NLGN1: variants seen among roughly 807,000 people sequenced by gnomAD.
NLGN1 encodes neuroligin-1.
NLGN1 carries 12 observed loss-of-function variants against 65.5 expected under a neutral mutation model. The ratio of observed to expected loss-of-function variants is 0.18; its 90% CI spans 0.12 to 0.30. NLGN1 has a LOEUF of 0.30. Ranked by LOEUF, NLGN1 falls within the 10% of genes least tolerant of loss-of-function variation. NLGN1 has a pLI of 1.00. For missense variants in NLGN1, 750 were observed against 1,007.1 expected (o/e 0.74, Z 3.46); for synonymous variants, 350 against 359.5 (o/e 0.97, Z 0.30).
At chr3:173,582,208 T>A (rs1746511194) in intron 2 of NLGN1, among the ~76,000 whole-genome samples, 1 of 152,088 alleles carries the variant, frequency 6.6e-6, no homozygotes, top group Non-Finnish European at 1.5e-5. Flanking sequence ...CATTCATTTT[T>A]CTTGTTACCG....
chr3:173,652,405 A>G (rs1759339045), intron 3 of NLGN1, among the ~76,000 whole-genome samples: 1 of 152,126 alleles, frequency 6.6e-6, no homozygotes, highest in South Asian at 2.1e-4. Context: ...TTCGGGTCTT[A>G]CATTTAAGTC....
chr3:173,652,811 A>G (rs1759416912), intron 3 of NLGN1, among the ~76,000 whole-genome samples: 1 of 152,182 alleles, frequency 6.6e-6, no homozygotes, highest in Non-Finnish European at 1.5e-5. Context: ...TAGAAATTGC[A>G]TTGAATCTGT....
At chr3:174,085,253 T>C (rs999972247) in intron 4 of NLGN1, among the ~76,000 whole-genome samples, 3 of 152,028 alleles carry the variant, frequency 2.0e-5, no homozygotes, top group Non-Finnish European at 4.4e-5. Flanking sequence ...GGGAAAAATA[T>C]GCTTCTTAGA....
chr3:174,250,018 A>G (rs1744490689), intron 4 of NLGN1, among the ~76,000 whole-genome samples: 1 of 152,218 alleles, frequency 6.6e-6, no homozygotes, highest in South Asian at 2.1e-4. Flanking sequence ...AGAGTAGGAA[A>G]TCTTTTAGGT....
intron 4 of NLGN1, among the ~76,000 whole-genome samples, chr3:173,866,760 T>A (rs1730263602): frequency 6.6e-6 from 1 of 152,184 alleles, no homozygotes; most frequent in African/African-American, 2.4e-5. Flanking sequence ...GTTTTCTGAT[T>A]TATATATTCA....
intron 3 of NLGN1, among the ~76,000 whole-genome samples, chr3:173,764,725 G>A (rs1473295550): frequency 1.3e-5 from 2 of 152,054 alleles, no homozygotes; most frequent in Admixed American, 1.3e-4. Flanking sequence ...AGGATTTCTA[G>A]TTCTTTTTCT....
intron 3 of NLGN1, among the ~76,000 whole-genome samples, chr3:173,637,484 C>A (rs909746436): frequency 1.3e-5 from 2 of 151,888 alleles, no homozygotes; most frequent in Non-Finnish European, 2.9e-5. Context: ...TTCTCTTGTT[C>A]TAGTTACTGT....
chr3:173,490,125 A>G (rs1233948515), intron 2 of NLGN1, among the ~76,000 whole-genome samples: 4 of 152,048 alleles, frequency 2.6e-5, no homozygotes, highest in Non-Finnish European at 5.9e-5. Context: ...TTTTGTTGCC[A>G]TTGCTTTTGG....
intron 1 of NLGN1, among the ~76,000 whole-genome samples, chr3:173,419,004 T>C (rs1047650619): frequency 6.8e-6 from 1 of 148,078 alleles, no homozygotes; most frequent in Non-Finnish European, 1.5e-5. Flanking sequence ...TTCTGTTCTT[T>C]AGCTTTCTTC....
intron 1 of NLGN1, among the ~76,000 whole-genome samples, chr3:173,401,223 A>ACCCCAC (rs1717632843): frequency 1.3e-5 from 2 of 151,700 alleles, no homozygotes; most frequent in South Asian, 4.2e-4. Context: ...CTGGTAGTGC[A>ACCCCAC]CCCCACCCCC....
At chr3:174,064,892 T>C (rs1738183274) in intron 4 of NLGN1, among the ~76,000 whole-genome samples, 1 of 150,874 alleles carries the variant, frequency 6.6e-6, no homozygotes. Flanking sequence ...TTAAGTACTA[T>C]ATATTAAGAC....
At chr3:174,109,807 C>A (rs1192395172) in intron 4 of NLGN1, among the ~76,000 whole-genome samples, 1 of 151,978 alleles carries the variant, frequency 6.6e-6, no homozygotes, top group East Asian at 1.9e-4. Flanking sequence ...TTTCAAGGAA[C>A]AAATCACTTG....
At chr3:173,474,636 T>C in intron 2 of NLGN1, among the ~76,000 whole-genome samples, 1 of 152,154 alleles carries the variant, frequency 6.6e-6, no homozygotes, top group East Asian at 1.9e-4. Flanking sequence ...GTATAAAATA[T>C]GCATGTTATT....
At chr3:174,245,230 G>C (rs980163116) in intron 4 of NLGN1, among the ~76,000 whole-genome samples, 5 of 152,038 alleles carry the variant, frequency 3.3e-5, no homozygotes, top group Non-Finnish European at 7.4e-5. Context: ...TTTTTTAAAA[G>C]TGGCATTTAC....
chr3:174,129,279 G>A (rs1306728544), intron 4 of NLGN1, among the ~76,000 whole-genome samples: 1 of 150,982 alleles, frequency 6.6e-6, no homozygotes, highest in East Asian at 2.0e-4. Flanking sequence ...ATCTCGTTTT[G>A]TATGGCATAG....
At chr3:173,525,586 TCA>T (rs1735514457) in intron 2 of NLGN1, among the ~76,000 whole-genome samples, 1 of 152,148 alleles carries the variant, frequency 6.6e-6, no homozygotes, top group Admixed American at 6.5e-5. Flanking sequence ...TTTTTAATTT[TCA>T]GTCTCATTTA....
chr3:173,869,590 A>T (rs1424257850), intron 4 of NLGN1, among the ~76,000 whole-genome samples: 3 of 152,140 alleles, frequency 2.0e-5, no homozygotes, highest in Non-Finnish European at 4.4e-5. Flanking sequence ...ATGGGTGAAA[A>T]TATCTGTCTG....
At chr3:173,583,577 G>T (rs1474113497) in intron 2 of NLGN1, among the ~76,000 whole-genome samples, 1 of 152,174 alleles carries the variant, frequency 6.6e-6, no homozygotes, top group Non-Finnish European at 1.5e-5. Flanking sequence ...CAATGAAAGA[G>T]AATTCAACTT....
chr3:173,802,717 A>G (rs1715702113), intron 3 of NLGN1, among the ~76,000 whole-genome samples: 1 of 152,142 alleles, frequency 6.6e-6, no homozygotes, highest in Admixed American at 6.5e-5. Flanking sequence ...CAGATCACTT[A>G]TGTGAAATTC....
Sources: gnomAD v4.1 joint callset for allele counts (sites outside exome capture counted in the v4.1 genomes callset) on GRCh38, gnomAD v4.1.1 for gene constraint, MANE v1.5 for transcripts, NCBI Gene and HGNC (gene_info 2026-07-23, HGNC 2026-07-21) for gene names.